EHD4: variants seen among roughly 807,000 people sequenced by gnomAD.
The protein encoded by EHD4 is EH domain-containing protein 4.
EHD4 carries 37 observed loss-of-function variants against 51.0 expected under a neutral mutation model. The ratio of observed to expected loss-of-function variants is 0.73; its 90% CI spans 0.56 to 0.95. EHD4 has a LOEUF of 0.95. EHD4 is among the 40% of genes least tolerant of loss of function. The pLI, the probability that EHD4 is intolerant of heterozygous loss-of-function variation, is 0.00. For synonymous variants in EHD4, 297 were observed against 317.3 expected (o/e 0.94, Z 0.68); for missense variants, 632 against 733.1 (o/e 0.86, Z 1.59).
intron 3 of EHD4, among the ~76,000 whole-genome samples, chr15:41,920,603 T>G (rs1457529690): frequency 6.6e-6 from 1 of 152,250 alleles, no homozygotes; most frequent in African/African-American, 2.4e-5. Context: ...CATCTGTAAG[T>G]CATATAATGA....
chr15:41,901,019 C>G lies in EHD4; in HGVS notation c.1252G>C (p.Asp418His), dbSNP rs764486980. The G allele has an allele frequency of 6.2e-7, 1 of 1,608,354 alleles. No homozygotes were observed. The highest frequency in any genetic ancestry group is 1.1e-5 in the South Asian group (1 of 90,700). Reference protein sequence around the residue: ...PTQLVQGGAFDGTTEGPFNQG... With the variant: ...PTQLVQGGAFHGTTEGPFNQG... ...TTGAAGGGGCCCTCGGTGGTGCCAT[C>G]GAAGGCGCCGCCCTGCACCAGCTGC... The change falls in exon 6 of 6, where the codon GAT (aspartate) becomes CAT (histidine). Residue 418 changes from aspartate to histidine, a missense_variant. Transcript: ENST00000220325.
At chr15:41,952,245 G>A (rs2067857128) in intron 2 of EHD4, among the ~76,000 whole-genome samples, 2 of 152,144 alleles carry the variant, frequency 1.3e-5, no homozygotes, top group South Asian at 4.1e-4. Flanking sequence ...GACAGCAGCC[G>A]GCTGGGAGGA....
intron 4 of EHD4, among the ~76,000 whole-genome samples, chr15:41,917,366 G>A (rs531103585): frequency 3.3e-5 from 5 of 152,168 alleles, no homozygotes; most frequent in African/African-American, 1.2e-4. Flanking sequence ...TGATCCACCC[G>A]CCTCCGACTC....
Position 41,926,329 on chromosome 15 carries a change from G to T in EHD4, c.512-6707C>A, listed in dbSNP as rs2067661047. On this transcript the variant is annotated intron_variant, in intron 3 of 5. Coordinates refer to ENST00000220325, the MANE Select transcript of EHD4 (RefSeq NM_139265.4). ...TGGGCAGGGCCACTTGCCCGTGGTG[G>T]TGACGGAACACTGCCTAAAACTGCT... is the stretch of plus-strand genomic sequence containing the variant. Among the ~76,000 whole-genome samples the T allele has an allele frequency of 2.6e-5, 4 of 152,336 alleles. No homozygotes were observed. The South Asian group carries it at 8.3e-4, about 32-fold the overall frequency.
Position 41,919,299 on chromosome 15 carries a change from G to A in EHD4, c.835C>T (p.Gln279Ter). ...CTCTGGATGTCTCTAAAGAGGTCCT[G>A]GGCCTCAGCCTCGAAGAGCCGGCGG... is the stretch of plus-strand genomic sequence containing the variant. Reference protein sequence around the residue: ...DNRRLFEAEAQDLFRDIQSLP... With the variant: ...DNRRLFEAEA The change falls in exon 4 of 6, where the codon CAG becomes TAG. Residue 279 changes from glutamine to a stop codon, truncating the protein, a stop_gained. Transcript: ENST00000220325. LOFTEE classifies it high-confidence loss of function. The A allele has an allele frequency of 6.2e-7, 1 of 1,614,178 alleles. No homozygotes were observed. Among genetic ancestry groups the A allele is most frequent in the Non-Finnish European group, 8.5e-7 (1 of 1,180,026 alleles).
rs115822277 is a variant in EHD4, at chr15:41,959,036, G to A, written c.237-5096C>T. Reference sequence around the variant, plus strand: ...AAATGTAAGATTTTAAAAATAATACGGCACATATATTTTGAGTGTTGTATG... The same window carrying A: ...AAATGTAAGATTTTAAAAATAATACAGCACATATATTTTGAGTGTTGTATG... On this transcript the variant is annotated intron_variant, in intron 1 of 5. Coordinates refer to ENST00000220325, the MANE Select transcript of EHD4 (RefSeq NM_139265.4). 2.8e-3 allele frequency among the ~76,000 whole-genome samples: 424 copies of A among 152,156 alleles called. 6 individuals carry two copies. Among genetic ancestry groups the A allele is most frequent in the African/African-American group, 9.5e-3 (394 of 41,510 alleles).
intron 1 of EHD4, 42 bp downstream of exon 1, chr15:41,972,217 G>C (rs755803967): frequency 2.0e-6 from 3 of 1,473,808 alleles, no homozygotes; most frequent in African/African-American, 1.4e-5. Flanking sequence ...ACGTGGGGAG[G>C]GCGGAGCGGG....
chr15:41,908,946 C>T (rs1200837112), intron 5 of EHD4, among the ~76,000 whole-genome samples: 1 of 152,196 alleles, frequency 6.6e-6, no homozygotes, highest in Non-Finnish European at 1.5e-5. Flanking sequence ...GACTGTGGCC[C>T]CCAGGGCAGA....
chr15:41,923,397 A>G (rs769657079), intron 3 of EHD4, among the ~76,000 whole-genome samples: 6 of 152,204 alleles, frequency 3.9e-5, no homozygotes, highest in Non-Finnish European at 8.8e-5. Flanking sequence ...CTACCCAAAA[A>G]TCCCAGCGGA....
chr15:41,901,889 C>T (rs140581814), intron 5 of EHD4, among the ~76,000 whole-genome samples: 91 of 152,228 alleles, frequency 6.0e-4, no homozygotes, highest in African/African-American at 2.0e-3. Context: ...GGCAGGGCCA[C>T]GGAGACCTTG....
chr15:41,917,834 C>A (rs1358231858), intron 4 of EHD4, among the ~76,000 whole-genome samples: 1 of 152,138 alleles, frequency 6.6e-6, no homozygotes, highest in East Asian at 1.9e-4. Flanking sequence ...GCCACTTGGA[C>A]CAGGAAGAAC....
intron 3 of EHD4, among the ~76,000 whole-genome samples, chr15:41,925,311 G>A (rs1004097141): frequency 3.9e-5 from 6 of 152,114 alleles, no homozygotes; most frequent in East Asian, 3.9e-4. Context: ...AGAAGAAATC[G>A]GCCTTAAGAA....
intron 1 of EHD4, 134 bp downstream of exon 1, chr15:41,972,125 C>T (rs986092479): frequency 3.1e-5 from 28 of 910,804 alleles, no homozygotes; most frequent in Non-Finnish European, 3.9e-5. Flanking sequence ...CCGAGGGCAC[C>T]GGGCGCCGAG....
intron 1 of EHD4, among the ~76,000 whole-genome samples, chr15:41,968,665 C>T (rs2067977306): frequency 6.6e-6 from 1 of 152,096 alleles, no homozygotes; most frequent in African/African-American, 2.4e-5. Flanking sequence ...TTCTGGCATC[C>T]ATTTCTATTT....
intron 2 of EHD4, among the ~76,000 whole-genome samples, chr15:41,952,769 C>T (rs1002187263): frequency 3.9e-5 from 6 of 151,966 alleles, no homozygotes; most frequent in Non-Finnish European, 7.4e-5. Context: ...GCGGGTGGAT[C>T]ACCTGAGGTC....
intron 1 of EHD4, among the ~76,000 whole-genome samples, chr15:41,969,274 C>A (rs557861274): frequency 6.6e-6 from 1 of 152,144 alleles, no homozygotes; most frequent in Non-Finnish European, 1.5e-5. Context: ...GGATGGGGCG[C>A]GGTGGCTCAC....
rs948078230 is a variant in EHD4, at chr15:41,934,018, G to T, written c.511+9049C>A. On this transcript the variant is annotated intron_variant, in intron 3 of 5. Coordinates refer to ENST00000220325, the MANE Select transcript of EHD4 (RefSeq NM_139265.4). Reference sequence around the variant, plus strand: ...AGGAGGCTGGTTAGTCACAGAGCCTGCCCCACCCCATCGTCTCTCTCACTC... The same window carrying T: ...AGGAGGCTGGTTAGTCACAGAGCCTTCCCCACCCCATCGTCTCTCTCACTC... 5.9e-5 allele frequency among the ~76,000 whole-genome samples: 9 copies of T among 152,200 alleles called. No individual in the cohort carries two copies. The South Asian group carries it at 6.2e-4, about 11-fold the overall frequency.
Position 41,900,721 on chromosome 15 carries a change from C to G in EHD4, c.1550G>C (p.Gly517Ala), listed in dbSNP as rs1468571194. 6.2e-7 allele frequency: 1 copy of G among 1,611,486 alleles called. No homozygotes were observed. Among genetic ancestry groups the G allele is most frequent in the South Asian group, 1.1e-5 (1 of 91,064 alleles). The change falls in exon 6 of 6, where the codon GGC (glycine) becomes GCC (alanine). Residue 517 changes from glycine (G) to alanine (A), a missense_variant. Physicochemically the swap from Gly to Ala is moderately conservative, Grantham distance 60. Coordinates refer to ENST00000220325, the MANE Select transcript of EHD4 (RefSeq NM_139265.4). The surrounding 1 kb of genome is among the most constrained non-coding windows in gnomAD (Gnocchi z 4.8). ...GGGCAGGCTGCTGGGCAGCTCGTAG[C>G]CGTCGAGCTTGATCTTGATGAGGTG... ...AKHLIKIKLDGYELPSSLPPH... is the reference protein window; with the variant it reads ...AKHLIKIKLDAYELPSSLPPH...
In EHD4 at chr15:41,899,945, G is replaced by GC. The variant is rs1218183832; in HGVS notation, c.*699dup. On this transcript the variant is annotated 3_prime_UTR_variant, in exon 6 of 6. Coordinates refer to ENST00000220325, the MANE Select transcript of EHD4 (RefSeq NM_139265.4). ...TAGCCGAATATGGCTTTGCTGGTAAGCCCCCTGGAAGGGAGGTTGGGAGGG... is the reference window on the plus strand; with the variant it reads ...TAGCCGAATATGGCTTTGCTGGTAAGCCCCCCTGGAAGGGAGGTTGGGAGGG... The GC allele has an allele frequency of 6.6e-6, 1 of 152,302 alleles. No homozygotes were observed. Among genetic ancestry groups the GC allele is most frequent in the Admixed American group, 6.5e-5 (1 of 15,280 alleles). The allele number at this position is 152,302 out of a possible 1,614,324, so 9.4% of individuals were successfully genotyped here.
Sources: gnomAD v4.1 joint callset for allele counts (sites outside exome capture counted in the v4.1 genomes callset) on GRCh38, gnomAD v4.1.1 for gene constraint, Gnocchi (gnomAD v3.1) non-coding constraint, MANE v1.5 for transcripts, NCBI Gene and HGNC (gene_info 2026-07-23, HGNC 2026-07-21) for gene names.